Variants in ERAP1 observed in about 807,000 individuals in gnomAD.
ERAP1 encodes the protein endoplasmic reticulum aminopeptidase 1, also known as adipocyte-derived leucine aminopeptidase.
Under a neutral mutation model 103.7 loss-of-function variants are expected in ERAP1, and 86 were observed. The ratio of observed to expected loss-of-function variants is 0.83; its 90% CI spans 0.70 to 0.99. The LOEUF is 0.99. Ranked by LOEUF, ERAP1 falls within the 50% of genes least tolerant of loss-of-function variation. The probability of loss-of-function intolerance (pLI) is 0.00; values close to 1 mark genes in which losing one functional copy is unlikely to be tolerated. For missense variants in ERAP1, 1,009 were observed against 1,128.4 expected, an observed-to-expected ratio of 0.89 and a Z score of 1.52; for synonymous variants, 398 against 402.4, an observed-to-expected ratio of 0.99 and a Z score of 0.13.
the ERAP1 span, chr5:96,880,326 C>A: frequency 7.2e-7 from 1 of 1,393,314 alleles, no homozygotes; most frequent in Non-Finnish European, 9.7e-7. Flanking sequence ...CATCTCTTTG[C>A]CAGGAGCAGA....
chr5:96,911,417 C>T, the ERAP1 span, among the ~76,000 whole-genome samples: 1 of 152,038 alleles, frequency 6.6e-6, no homozygotes, highest in Non-Finnish European at 1.5e-5. Flanking sequence ...TGGTTAATGT[C>T]CTCAAGATAA....
the ERAP1 span, among the ~76,000 whole-genome samples, chr5:96,839,192 C>T: frequency 6.6e-6 from 1 of 152,314 alleles, no homozygotes; most frequent in African/African-American, 2.4e-5. Flanking sequence ...CCTTGTGGTA[C>T]GTAAAAGGTG....
At chr5:96,916,816 A>T in the ERAP1 span, among the ~76,000 whole-genome samples, 1 of 151,098 alleles carries the variant, frequency 6.6e-6, no homozygotes, top group Non-Finnish European at 1.5e-5. Context: ...TTTCACAATA[A>T]ATCTTGAATT....
chr5:96,799,681 C>T (rs548451678), intron 3 of ERAP1, among the ~76,000 whole-genome samples: 3 of 152,324 alleles, frequency 2.0e-5, no homozygotes, highest in Admixed American at 6.5e-5. Flanking sequence ...ACTTCTGTCC[C>T]AGGGAGTAAT....
the ERAP1 span, among the ~76,000 whole-genome samples, chr5:96,871,347 T>C: frequency 6.6e-6 from 1 of 152,222 alleles, no homozygotes; most frequent in African/African-American, 2.4e-5. Context: ...CTTTTGTTCA[T>C]CTTTTTTTGG....
chr5:96,914,146 T>TCACACACACACACACA, the ERAP1 span, among the ~76,000 whole-genome samples: 711 of 104,662 alleles, frequency 6.8e-3, 11 homozygotes, highest in African/African-American at 0.026. Context: ...TCTCTCTCTC[T>TCACACACACACACACA]CTCACACACA....
chr5:96,793,289 T>C, intron 7 of ERAP1, 111 bp downstream of exon 7: 2 of 835,512 alleles, frequency 2.4e-6, no homozygotes, highest in South Asian at 2.9e-5. Flanking sequence ...AAGGAAGTTA[T>C]CAGTGAAATA....
chr5:96,827,390 G>C, the ERAP1 span, among the ~76,000 whole-genome samples: 5 of 152,162 alleles, frequency 3.3e-5, no homozygotes, highest in African/African-American at 1.2e-4. Context: ...GGCTGGGCGC[G>C]ATGGCTCACG....
the ERAP1 span, among the ~76,000 whole-genome samples, chr5:96,924,620 T>C: frequency 6.6e-6 from 1 of 151,452 alleles, no homozygotes; most frequent in Admixed American, 6.6e-5. Flanking sequence ...TTTTGAAATG[T>C]AGTCTTGCTG....
the ERAP1 span, chr5:96,886,935 C>A: frequency 1.4e-6 from 1 of 703,004 alleles, no homozygotes; most frequent in Non-Finnish European, 2.0e-6. Context: ...TAAAAATTAT[C>A]CATAGTCCTG....
Position 96,775,435 on chromosome 5 carries a change from G to GA in ERAP1, c.*960dup, listed in dbSNP as rs199668091. 1.3e-4 allele frequency: 129 copies of GA among 985,088 alleles called. 1 individual carries two copies. In the East Asian group the frequency reaches 2.3e-3, roughly 18 times the overall value. 61.0% of individuals were successfully genotyped at this position (985,088 alleles called of 1,614,324 possible). On this transcript the variant is annotated 3_prime_UTR_variant, in exon 19 of 19. Transcript: ENST00000443439. ...GTAGGCCAAATAAGAAGCAGAGAGA[G>GA]AAAAAAAATCACCTCCCTAAGAAAA...
At position 96,793,946 on chromosome 5, in the gene ERAP1, T is replaced by C; in HGVS notation, c.931A>G (p.Ile311Val). The change falls in exon 6 of 19, where the codon ATT (isoleucine) becomes GTT (valine). Residue 311 changes from isoleucine (I) to valine (V), a missense_variant. Coordinates refer to ENST00000443439, the MANE Select transcript of ERAP1 (RefSeq NM_001040458.3). ...ATAGCACCAGACTGAAAGTCGGGAA[T>C]AGCAGCAAGATCTTGGGAAGGAAGT... ...YPLPKQDLAA[I>V]PDFQSGAMEN... 1 of 1,614,068 alleles carries C rather than the reference T, an allele frequency of 6.2e-7. No individual in the cohort carries two copies. The highest frequency in any genetic ancestry group is 1.1e-5 in the South Asian group (1 of 91,086).
intron 6 of ERAP1, 75 bp downstream of exon 6, chr5:96,793,728 A>T: frequency 7.4e-7 from 1 of 1,352,448 alleles, no homozygotes; most frequent in Non-Finnish European, 1.0e-6. Flanking sequence ...AAAATTATAT[A>T]AATAGCCTTA....
intron 11 of ERAP1, 36 bp downstream of exon 11, chr5:96,788,495 T>C (rs143806197): frequency 6.2e-7 from 1 of 1,612,752 alleles, no homozygotes; most frequent in African/African-American, 1.3e-5. Context: ...AGATGTTACC[T>C]AGACAACAAA....
chr5:96,782,192 G>A (rs974729738), intron 15 of ERAP1, among the ~76,000 whole-genome samples: 14 of 152,002 alleles, frequency 9.2e-5, no homozygotes, highest in African/African-American at 2.9e-4. Flanking sequence ...TTGTATTTTA[G>A]TAGAGACGGG....
At chr5:96,824,008 G>A in the ERAP1 span, among the ~76,000 whole-genome samples, 2 of 152,162 alleles carry the variant, frequency 1.3e-5, no homozygotes, top group Non-Finnish European at 2.9e-5. Flanking sequence ...TACACAGTGG[G>A]GATATGCTGG....
At chr5:96,920,964 T>G in the ERAP1 span, among the ~76,000 whole-genome samples, 1 of 152,266 alleles carries the variant, frequency 6.6e-6, no homozygotes, top group South Asian at 2.1e-4. Context: ...ATTCATACAT[T>G]CTGTAGCTGT....
chr5:96,786,033 A>G, intron 12 of ERAP1, 62 bp from the exon 13 acceptor site: 1 of 1,515,056 alleles, frequency 6.6e-7, no homozygotes, highest in Non-Finnish European at 9.1e-7. Context: ...AGCTTTTCTC[A>G]TCCAAGATTG....
At chr5:96,797,413 C>G (rs1385119445) in intron 3 of ERAP1, 104 bp from the exon 4 acceptor site, 6 of 1,347,244 alleles carry the variant, frequency 4.5e-6, no homozygotes, top group African/African-American at 2.9e-5. Context: ...TGTATCAATC[C>G]CAGCACTTGG....
Sources: allele counts gnomAD v4.1 joint callset (sites outside exome capture counted in the v4.1 genomes callset), GRCh38; gene constraint gnomAD v4.1.1; transcripts MANE v1.5; gene names NCBI Gene and HGNC (gene_info 2026-07-23, HGNC 2026-07-21).